AREL1: variants seen among roughly 807,000 people sequenced by gnomAD.
The protein encoded by AREL1 is apoptosis-resistant E3 ubiquitin protein ligase 1.
Under a neutral mutation model 99.0 loss-of-function variants are expected in AREL1, and 62 were observed. The ratio of observed to expected loss-of-function variants is 0.63; its 90% CI spans 0.51 to 0.77. AREL1 has a LOEUF of 0.77. Ranked by LOEUF, AREL1 falls within the 30% of genes least tolerant of loss-of-function variation. The probability of loss-of-function intolerance (pLI) is 0.00; values close to 1 mark genes in which losing one functional copy is unlikely to be tolerated. For synonymous variants in AREL1, 380 were observed against 376.5 expected (o/e 1.01, Z -0.11); for missense variants, 879 against 1,027.6 (o/e 0.86, Z 1.98).
chr14:74,685,726 CA>C, intron 2 of AREL1, 66 bp from the exon 3 acceptor site: 4 of 1,420,944 alleles, frequency 2.8e-6, no homozygotes, highest in Non-Finnish European at 3.9e-6. Context: ...CAGAGTAAGA[CA>C]AAGAAGAGTG....
chr14:74,676,240 A>G lies in AREL1; in HGVS notation c.733T>C (p.Leu245=), dbSNP rs756457334. ...CCTCGAGAATGCAGGGTGAGTCGCA[A>G]GAACACCTGGAAAGTCTGCCTGTTG... ...TSNRQTFQVF[L]RLTLHSRGCF... is the part of the protein sequence containing the mutation. The change falls in exon 7 of 20, where the codon TTG becomes CTG. Residue 245 remains leucine, a synonymous_variant. Coordinates refer to ENST00000356357, the MANE Select transcript of AREL1 (RefSeq NM_001039479.2). 6.8e-6 allele frequency: 11 copies of G among 1,614,080 alleles called. No homozygotes were observed. In the South Asian group the frequency reaches 7.7e-5, roughly 11 times the overall value.
In AREL1 at chr14:74,676,218, C is replaced by T. The variant is rs369636473; in HGVS notation, c.755G>A (p.Arg252Gln). The change falls in exon 7 of 20, where the codon CGA (arginine) becomes CAA (glutamine). Residue 252 changes from arginine (R) to glutamine (Q), a missense_variant. Coordinates refer to ENST00000356357, the MANE Select transcript of AREL1 (RefSeq NM_001039479.2). ...QVFLRLTLHS[R>Q]GCFHACISYQ... is the part of the protein sequence containing the mutation. ...TGAAATGCAAGCATGGAAGCAGCCTCGAGAATGCAGGGTGAGTCGCAAGAA... is the reference window on the plus strand; with the variant it reads ...TGAAATGCAAGCATGGAAGCAGCCTTGAGAATGCAGGGTGAGTCGCAAGAA... The T allele has an allele frequency of 3.1e-5, 50 of 1,614,070 alleles. No individual in the cohort carries two copies. Among genetic ancestry groups the T allele is most frequent in the Admixed American group, 5.0e-5 (3 of 60,020 alleles).
chr14:74,695,961 T>C (rs914204715), intron 1 of AREL1, among the ~76,000 whole-genome samples: 2 of 152,246 alleles, frequency 1.3e-5, no homozygotes, highest in Non-Finnish European at 2.9e-5. Context: ...GCTGGTCTCC[T>C]AGACCATGCT....
intron 1 of AREL1, among the ~76,000 whole-genome samples, chr14:74,696,390 C>G (rs953244819): frequency 6.6e-6 from 1 of 152,160 alleles, no homozygotes; most frequent in African/African-American, 2.4e-5. Context: ...ATTTTACAGT[C>G]ATTTTCCAAA....
At chr14:74,684,432 G>A in intron 4 of AREL1, 22 bp downstream of exon 4, 1 of 1,610,068 alleles carries the variant, frequency 6.2e-7, no homozygotes, top group Non-Finnish European at 8.5e-7. Flanking sequence ...CAATGGGTAT[G>A]GAGACAGAAA....
In AREL1 at chr14:74,684,460, T is replaced by A. The variant is rs2089702406; in HGVS notation, c.237A>T (p.Arg79=). The change falls in exon 4 of 20, where the codon CGA becomes CGT. Residue 79 remains arginine (R), a synonymous_variant. Coordinates refer to ENST00000356357, the MANE Select transcript of AREL1 (RefSeq NM_001039479.2). The part of the protein sequence containing the change: ...PYEVGHSMAF[R]VHLFYKNGQP... ...GACAGAAACATTCCCTTACATGCAC[T>A]CGGAAGGCCATGCTGTGGCCCACCT... is the stretch of plus-strand genomic sequence containing the variant. 6.2e-7 allele frequency: 1 copy of A among 1,614,068 alleles called. No homozygotes were observed. The highest frequency in any genetic ancestry group is 1.1e-5 in the South Asian group (1 of 91,076).
At chr14:74,676,114 C>T (rs770063917) in intron 7 of AREL1, 27 bp downstream of exon 7, 2 of 1,604,178 alleles carry the variant, frequency 1.2e-6, no homozygotes, top group Admixed American at 1.7e-5. Context: ...AAGAACAGCA[C>T]TAAATCATAC....
intron 5 of AREL1, among the ~76,000 whole-genome samples, chr14:74,683,064 A>T (rs2089666992): frequency 6.6e-6 from 1 of 152,182 alleles, no homozygotes; most frequent in South Asian, 2.1e-4. Flanking sequence ...TTTGGGGGAA[A>T]AGTGACTACT....
chr14:74,671,459 A>G lies in AREL1; in HGVS notation c.1447T>C (p.Ser483Pro). Reference sequence around the variant, plus strand: ...AAGTTCTTGCTCCAATCTGAGATGGAGAAATTCCGAGTGGCTTTCAGAGAC... The same window carrying G: ...AAGTTCTTGCTCCAATCTGAGATGGGGAAATTCCGAGTGGCTTTCAGAGAC... ...ESSLKATRNF[S>P]ISDWSKNFEV... Residue 483 changes from serine (S) to proline (P), a missense_variant, in exon 12 of 20, where the codon TCC (serine) becomes CCC (proline). By Grantham distance (74) the Ser-to-Pro change is moderately conservative. Coordinates refer to ENST00000356357, the MANE Select transcript of AREL1 (RefSeq NM_001039479.2). 1 of 1,597,724 alleles carries G rather than the reference A, an allele frequency of 6.3e-7. No individual in the cohort carries two copies.
At chr14:74,700,431 G>T (rs1002061334) in intron 1 of AREL1, among the ~76,000 whole-genome samples, 1 of 152,144 alleles carries the variant, frequency 6.6e-6, no homozygotes, top group African/African-American at 2.4e-5. Flanking sequence ...CTTCCAGAAG[G>T]GGGGAAAAAG....
chr14:74,682,401 A>G (rs1011533426), intron 5 of AREL1, among the ~76,000 whole-genome samples: 9 of 152,240 alleles, frequency 5.9e-5, no homozygotes, highest in South Asian at 2.1e-4. Flanking sequence ...TAATAAAAAC[A>G]TGTCAACACA....
In AREL1 at chr14:74,670,855, C is replaced by T. The variant is rs747055254; in HGVS notation, c.1515G>A (p.Gly505=). The T allele has an allele frequency of 6.2e-7, 1 of 1,614,074 alleles. No homozygotes were observed. The highest frequency in any genetic ancestry group is 1.1e-5 in the South Asian group (1 of 91,070). ...TTAGCTCAAACCATTCCCGGCGAGG[C>T]CCTCCCCAGTCCAGAGCTGAAAAGC... ...FQDEEALDWG[G]PRREWFELIC... The change falls in exon 13 of 20, where the codon GGG becomes GGA. Residue 505 remains glycine (G), a synonymous_variant. Transcript: ENST00000356357.
At position 74,674,059 on chromosome 14, in the gene AREL1, G is replaced by A; in HGVS notation, c.1133C>T (p.Thr378Ile). ...TTTTGTTCCTGGACACACTCGGAAG[G>A]TGTAAAGGCGCCAGGGGATGATCTT... ...YLKIIPWRLY[T>I]FRVCPGTKFS... The change falls in exon 9 of 20, where the codon ACC becomes ATC. Residue 378 changes from threonine to isoleucine, a missense_variant. Thr to Ile is a moderately conservative substitution (Grantham distance 89). Coordinates refer to ENST00000356357, the MANE Select transcript of AREL1 (RefSeq NM_001039479.2). The A allele has an allele frequency of 1.2e-6, 2 of 1,613,776 alleles. No homozygotes were observed. The highest frequency in any genetic ancestry group is 1.7e-6 in the Non-Finnish European group (2 of 1,179,734).
At chr14:74,684,961 T>C (rs574534503) in intron 3 of AREL1, among the ~76,000 whole-genome samples, 2 of 152,348 alleles carry the variant, frequency 1.3e-5, no homozygotes, top group East Asian at 3.9e-4. Flanking sequence ...AAATTGTCTA[T>C]GGCTACTTTT....
At chr14:74,677,090 C>T (rs764426755) in intron 5 of AREL1, among the ~76,000 whole-genome samples, 25 of 151,910 alleles carry the variant, frequency 1.6e-4, no homozygotes, top group East Asian at 1.4e-3. Flanking sequence ...TGAGCCACCA[C>T]GCCCGGCTGG....
At chr14:74,712,038 C>CAAAA (rs752599769) in intron 1 of AREL1, 27 of 28,698 alleles carry the variant, frequency 9.4e-4, no homozygotes, top group African/African-American at 2.3e-3. Context: ...AGACAAAGTG[C>CAAAA]AAAAAAAAAA....
chr14:74,709,087 A>G (rs1594773825), intron 1 of AREL1, among the ~76,000 whole-genome samples: 1 of 152,342 alleles, frequency 6.6e-6, no homozygotes, highest in East Asian at 1.9e-4. Context: ...AGAAAAAGAA[A>G]CCAAAGAAAA....
chr14:74,667,418 G>C, intron 16 of AREL1, 41 bp from the exon 17 acceptor site: 1 of 1,614,140 alleles, frequency 6.2e-7, no homozygotes, highest in Middle Eastern at 1.6e-4. Context: ...CCCACACCAT[G>C]GATACAGGTA....
chr14:74,676,725 A>G lies in AREL1; in HGVS notation c.509T>C (p.Ile170Thr). ...TACAAGAGTAGAAAAGTGGCACACAATTTTGGTCTTAGAAGGAACCACCAT... is the reference window on the plus strand; with the variant it reads ...TACAAGAGTAGAAAAGTGGCACACAGTTTTGGTCTTAGAAGGAACCACCAT... ...PGMVVPSKTKIVCHFSTLVLT... is the reference protein window; with the variant it reads ...PGMVVPSKTKTVCHFSTLVLT... Residue 170 changes from isoleucine to threonine, a missense_variant, in exon 6 of 20, where the codon ATT (isoleucine) becomes ACT (threonine). Ile to Thr is a moderately conservative substitution (Grantham distance 89). Transcript: ENST00000356357. 4 of 1,610,852 alleles carry G rather than the reference A, an allele frequency of 2.5e-6. No homozygotes were observed. Among genetic ancestry groups the G allele is most frequent in the Non-Finnish European group, 3.4e-6 (4 of 1,178,402 alleles).
Sources: allele counts gnomAD v4.1 joint callset (sites outside exome capture counted in the v4.1 genomes callset), GRCh38; gene constraint gnomAD v4.1.1; transcripts MANE v1.5; gene names NCBI Gene and HGNC (gene_info 2026-07-23, HGNC 2026-07-21).